Variants in PTPRM observed in about 807,000 individuals in gnomAD.
The protein encoded by PTPRM is receptor-type tyrosine-protein phosphatase mu.
In PTPRM, 47 loss-of-function variants were observed where a neutral mutation model predicts 186.7. That is an observed-to-expected ratio of 0.25 (90% CI 0.20 to 0.32). PTPRM has a LOEUF of 0.32. Among genes scored for constraint, PTPRM ranks in the 10% least tolerant of loss-of-function variants. PTPRM has a pLI of 1.00. For synonymous variants in PTPRM, 668 were observed against 674.9 expected (o/e 0.99, Z 0.16); for missense variants, 1,494 against 1,865.0 (o/e 0.80, Z 3.66).
chr18:7,626,284 C>G (rs754854443), intron 1 of PTPRM, among the ~76,000 whole-genome samples: 1 of 152,152 alleles, frequency 6.6e-6, no homozygotes, highest in Admixed American at 6.5e-5. Flanking sequence ...CATGCACTCG[C>G]GTTTGGCAAA....
intron 20 of PTPRM, among the ~76,000 whole-genome samples, chr18:8,299,442 C>T (rs546994962): frequency 2.4e-4 from 37 of 151,978 alleles, no homozygotes; most frequent in African/African-American, 8.9e-4. Flanking sequence ...CAAAAATTAG[C>T]TGGGCATGGT....
intron 19 of PTPRM, among the ~76,000 whole-genome samples, chr18:8,272,227 A>G (rs984600767): frequency 1.8e-4 from 27 of 151,442 alleles, no homozygotes; most frequent in African/African-American, 6.5e-4. Context: ...AAAAAAAGAA[A>G]GAAAGAAAGA....
At chr18:8,273,823 A>G (rs571198222) in intron 19 of PTPRM, among the ~76,000 whole-genome samples, 1 of 152,354 alleles carries the variant, frequency 6.6e-6, no homozygotes, top group African/African-American at 2.4e-5. Context: ...GAGCTCGCCA[A>G]ACAATTCAGA....
At chr18:7,842,947 T>TATATATATATATATATATATAG (rs370746043) in intron 2 of PTPRM, among the ~76,000 whole-genome samples, 3 of 112,128 alleles carry the variant, frequency 2.7e-5, no homozygotes, top group African/African-American at 1.3e-4. Context: ...TATATATATA[T>TATATATATATATATATATATAG]AGAGAGAGAG....
intron 2 of PTPRM, among the ~76,000 whole-genome samples, chr18:7,807,085 G>A (rs141820973): frequency 1.1e-4 from 17 of 152,236 alleles, no homozygotes; most frequent in African/African-American, 4.1e-4. Flanking sequence ...CATGAAATAA[G>A]CAATTTTCAT....
intron 7 of PTPRM, among the ~76,000 whole-genome samples, chr18:8,028,939 T>C (rs1010798741): frequency 6.6e-6 from 1 of 152,238 alleles, no homozygotes; most frequent in Non-Finnish European, 1.5e-5. Context: ...TCTTTGGTTT[T>C]TACTTGTAGA....
chr18:7,629,473 C>T (rs954853890), intron 1 of PTPRM, among the ~76,000 whole-genome samples: 1 of 152,088 alleles, frequency 6.6e-6, no homozygotes, highest in African/African-American at 2.4e-5. Context: ...AATTTTTAAT[C>T]AACACAATAG....
chr18:7,630,541 G>A lies in PTPRM; in HGVS notation c.73+62650G>A, dbSNP rs371287513. On this transcript the variant is annotated intron_variant, in intron 1 of 32. Coordinates refer to ENST00000580170, the MANE Select transcript of PTPRM (RefSeq NM_001105244.2). ...AGAGACCTAGGACAGTCACTTACGC[G>A]CAACGTGGAAGGGAGGTTTTTAAAC... Among the ~76,000 whole-genome samples, 8 of 152,150 alleles carry A rather than the reference G, an allele frequency of 5.3e-5. 1 individual carries two copies. In the East Asian group the frequency reaches 7.7e-4, roughly 15 times the overall value.
chr18:7,580,262 G>A (rs1409938259), intron 1 of PTPRM, among the ~76,000 whole-genome samples: 1 of 152,180 alleles, frequency 6.6e-6, no homozygotes, highest in Non-Finnish European at 1.5e-5. Flanking sequence ...GGTGAGCATG[G>A]GAGACATGTC....
intron 2 of PTPRM, among the ~76,000 whole-genome samples, chr18:7,860,190 A>G (rs549533653): frequency 6.6e-6 from 1 of 151,990 alleles, no homozygotes; most frequent in Admixed American, 6.6e-5. Context: ...CTCCTGTCTC[A>G]GCCTCCCAAG....
chr18:8,396,633 T>G (rs1043547332), intron 32 of PTPRM, among the ~76,000 whole-genome samples: 4 of 152,204 alleles, frequency 2.6e-5, no homozygotes, highest in Non-Finnish European at 4.4e-5. Context: ...AACTTAGGAC[T>G]TTTTGTATTA....
intron 5 of PTPRM, among the ~76,000 whole-genome samples, chr18:7,936,509 C>T (rs2051822189): frequency 6.6e-6 from 1 of 152,196 alleles, no homozygotes; most frequent in African/African-American, 2.4e-5. Context: ...CCTGCCGCCT[C>T]AGCCCCTTCC....
intron 29 of PTPRM, 38 bp downstream of exon 29, chr18:8,380,465 G>A (rs1037497917): frequency 1.2e-6 from 2 of 1,612,174 alleles, no homozygotes; most frequent in Non-Finnish European, 1.7e-6. Context: ...ACTAGTGCCA[G>A]GGGGTCAAGT....
chr18:8,279,206 G>A (rs72913144), intron 19 of PTPRM, among the ~76,000 whole-genome samples: 5,857 of 152,176 alleles, frequency 0.038, 113 homozygotes, highest in South Asian at 0.062. Flanking sequence ...TATGAGCATT[G>A]TGAAAGAATA....
At chr18:7,997,985 A>G (rs2083642167) in intron 7 of PTPRM, among the ~76,000 whole-genome samples, 1 of 152,170 alleles carries the variant, frequency 6.6e-6, no homozygotes, top group South Asian at 2.1e-4. Context: ...CTCTAAAACT[A>G]AAAATAGAAC....
chr18:8,354,346 G>A (rs2095552481), intron 23 of PTPRM, among the ~76,000 whole-genome samples: 1 of 152,140 alleles, frequency 6.6e-6, no homozygotes, highest in Non-Finnish European at 1.5e-5. Context: ...GCAGTCGGGA[G>A]GAACAGCTGG....
At chr18:7,881,376 A>T (rs1444621145) in intron 2 of PTPRM, among the ~76,000 whole-genome samples, 1 of 152,228 alleles carries the variant, frequency 6.6e-6, no homozygotes, top group Non-Finnish European at 1.5e-5. Context: ...CAGAGGTTGC[A>T]GTGAGCCGAG....
Position 7,608,947 on chromosome 18 carries a change from G to A in PTPRM, c.73+41056G>A, listed in dbSNP as rs535851429. Among the ~76,000 whole-genome samples, 7 of 152,296 alleles carry A rather than the reference G, an allele frequency of 4.6e-5. No homozygotes were observed. The South Asian group carries it at 1.5e-3, about 32-fold the overall frequency. ...CAGAAACATCTGGAAAACTCTTAAA[G>A]TGCAGGCTAGTCCCTGTGCACCCCA... On this transcript the variant is annotated intron_variant, in intron 1 of 32. Transcript: ENST00000580170.
chr18:8,224,209 CTG>C (rs1469575583), intron 14 of PTPRM, among the ~76,000 whole-genome samples: 1 of 148,990 alleles, frequency 6.7e-6, no homozygotes, highest in Non-Finnish European at 1.5e-5. Context: ...TCTTTTGTGT[CTG>C]TGTCATTTGC....
Sources: allele counts gnomAD v4.1 joint callset (sites outside exome capture counted in the v4.1 genomes callset), GRCh38; gene constraint gnomAD v4.1.1; transcripts MANE v1.5; gene names NCBI Gene and HGNC (gene_info 2026-07-23, HGNC 2026-07-21).